The following RACGAP1 variants were observed in gnomAD, a reference collection of about 807,000 sequenced individuals.
RACGAP1 encodes Rac GTPase activating protein 1.
RACGAP1 carries 30 observed loss-of-function variants against 78.1 expected under a neutral mutation model. The ratio of observed to expected loss-of-function variants is 0.38; its 90% CI spans 0.29 to 0.52. The LOEUF is 0.52. Among genes scored for constraint, RACGAP1 ranks in the 20% least tolerant of loss-of-function variants. The pLI is 0.82. For synonymous variants in RACGAP1, 231 were observed against 264.8 expected (o/e 0.87, Z 1.24); for missense variants, 587 against 777.1 (o/e 0.76, Z 2.91).
At chr12:50,009,791 G>A (rs1230849766) in intron 2 of RACGAP1, among the ~76,000 whole-genome samples, 1 of 152,170 alleles carries the variant, frequency 6.6e-6, no homozygotes, top group South Asian at 2.1e-4. Flanking sequence ...AGGCATTCCT[G>A]CCTTCTCACT....
Position 49,992,337 on chromosome 12 carries a change from G to A in RACGAP1, c.1486C>T (p.Leu496=). ...ATTGTAGGGCCAAAGACTTTAGCCA[G>A]ATTGGCAACATCCATTTTAGTATGT... is the stretch of plus-strand genomic sequence containing the variant. ...SPHTKMDVAN[L]AKVFGPTIVA... Residue 496 remains leucine (L), a synonymous_variant, in exon 14 of 17, where the codon CTG becomes TTG. Transcript: ENST00000312377. The A allele has an allele frequency of 1.2e-6, 2 of 1,614,150 alleles. No individual in the cohort carries two copies. Among genetic ancestry groups the A allele is most frequent in the Non-Finnish European group, 1.7e-6 (2 of 1,179,974 alleles).
At chr12:50,018,410 C>G in intron 1 of RACGAP1, 1 of 673,846 alleles carries the variant, frequency 1.5e-6, no homozygotes, top group South Asian at 1.6e-5. Context: ...AGATCTTTCT[C>G]TAAACTAAGA....
intron 1 of RACGAP1, among the ~76,000 whole-genome samples, chr12:50,024,916 A>T (rs1242376177): frequency 6.6e-6 from 1 of 151,954 alleles, no homozygotes; most frequent in Non-Finnish European, 1.5e-5. Context: ...GTTGTTACTG[A>T]GGGTAAGAAT....
In RACGAP1 at chr12:49,994,454, A is replaced by C. The variant is rs1948116715; in HGVS notation, c.1100T>G (p.Val367Gly). The C allele has an allele frequency of 1.9e-6, 3 of 1,614,160 alleles. No individual in the cohort carries two copies. Among genetic ancestry groups the C allele is most frequent in the Non-Finnish European group, 2.5e-6 (3 of 1,180,014 alleles). The part of the protein sequence containing the change: ...QTSPMIPSIV[V>G]HCVNEIEQRG... Reference sequence around the variant, plus strand: ...TTGCTCAATCTCATTTACACAATGCACAACAATGGAGGGGATCATTGGAGA... The same window carrying C: ...TTGCTCAATCTCATTTACACAATGCCCAACAATGGAGGGGATCATTGGAGA... Residue 367 changes from valine (V) to glycine (G), a missense_variant, in exon 11 of 17, where the codon GTG becomes GGG. Val to Gly is a moderately radical substitution (Grantham distance 109). Coordinates refer to ENST00000312377, the MANE Select transcript of RACGAP1 (RefSeq NM_001319999.2).
At chr12:50,031,896 T>C (rs973329163) in intron 1 of RACGAP1, 2 of 283,228 alleles carry the variant, frequency 7.1e-6, no homozygotes, top group African/African-American at 4.6e-5. Context: ...ATAATAATAA[T>C]ACTGCACTTT....
At chr12:49,993,486 C>A (rs561691184) in intron 12 of RACGAP1, among the ~76,000 whole-genome samples, 3 of 152,142 alleles carry the variant, frequency 2.0e-5, no homozygotes, top group African/African-American at 7.2e-5. Context: ...TAGGCAGGAG[C>A]TAATAAAAAG....
intron 4 of RACGAP1, among the ~76,000 whole-genome samples, chr12:50,004,562 T>C (rs1410220507): frequency 6.6e-6 from 1 of 152,184 alleles, no homozygotes; most frequent in African/African-American, 2.4e-5. Context: ...TGAAAGTTAG[T>C]CAGGGTTATG....
Position 50,023,170 on chromosome 12 carries a change from A to G in RACGAP1, c.-5+2228T>C, listed in dbSNP as rs187238682. Among the ~76,000 whole-genome samples the G allele has an allele frequency of 2.4e-3, 366 of 152,268 alleles. 4 individuals carry two copies. Among genetic ancestry groups the G allele is most frequent in the African/African-American group, 8.4e-3 (347 of 41,548 alleles). ...TGAATTGAGCATTCCTATGGACAAT[A>G]TTTTTCTTCAGGTGACTGTTTTCCT... On this transcript the variant is annotated intron_variant, in intron 1 of 16. Transcript: ENST00000312377.
At chr12:50,016,147 C>T (rs1224648050) in intron 2 of RACGAP1, among the ~76,000 whole-genome samples, 2 of 152,064 alleles carry the variant, frequency 1.3e-5, no homozygotes, top group Non-Finnish European at 2.9e-5. Context: ...TTTGGGAGGC[C>T]GAGGCGGGCG....
chr12:50,001,246 T>A lies in RACGAP1; in HGVS notation c.556A>T (p.Thr186Ser), dbSNP rs368821620. Residue 186 changes from threonine to serine, a missense_variant, in exon 7 of 17, where the codon ACT (threonine) becomes TCT (serine). Physicochemically the swap from Thr to Ser is moderately conservative, Grantham distance 58. Coordinates refer to ENST00000312377, the MANE Select transcript of RACGAP1 (RefSeq NM_001319999.2). ...KLKKREKRRSTSRQFVDGPPG... is the reference protein window; with the variant it reads ...KLKKREKRRSSSRQFVDGPPG... ...GGACCATCAACAAACTGTCGGCTAG[T>A]AGAGCGCTAGAAAGGAGACAAAGAC... The A allele has an allele frequency of 1.2e-6, 2 of 1,607,684 alleles. No individual in the cohort carries two copies. The highest frequency in any genetic ancestry group is 1.7e-6 in the Non-Finnish European group (2 of 1,174,334).
At chr12:50,011,609 G>T (rs1949336426) in intron 2 of RACGAP1, among the ~76,000 whole-genome samples, 1 of 151,864 alleles carries the variant, frequency 6.6e-6, no homozygotes, top group Non-Finnish European at 1.5e-5. Flanking sequence ...TAGTTTGGGA[G>T]ACAAAATAAA....
At chr12:50,021,072 G>A (rs1291699278) in intron 1 of RACGAP1, 6 of 974,716 alleles carry the variant, frequency 6.2e-6, no homozygotes, top group South Asian at 4.8e-5. Flanking sequence ...CCTATTCAAC[G>A]TCAATTGAAA....
chr12:50,030,879 A>G (rs2137778697), intron 2 of RACGAP1, among the ~76,000 whole-genome samples: 1 of 151,290 alleles, frequency 6.6e-6, no homozygotes, highest in Admixed American at 6.6e-5. Context: ...TCCCAGTTTC[A>G]AGAGATTCTC....
chr12:50,029,607 T>G (rs1300033574), upstream of RACGAP1, among the ~76,000 whole-genome samples: 1 of 150,672 alleles, frequency 6.6e-6, no homozygotes, highest in African/African-American at 2.4e-5. Flanking sequence ...AAAAAAAAAT[T>G]TGAGGGCTGG....
rs553805200 is a variant in RACGAP1, at chr12:50,006,605, A to G, written c.117T>C (p.Asp39=). 27 of 1,614,144 alleles carry G rather than the reference A, an allele frequency of 1.7e-5. No homozygotes were observed. The East Asian group carries it at 5.8e-4, about 35-fold the overall frequency. Residue 39 remains aspartate (D), a synonymous_variant, in exon 3 of 17, where the codon GAT becomes GAC. Transcript: ENST00000312377. ...CAGTCCTCTGCCACTTTTTACGGAAATCCTCAAAGTCCTTCGCCAACTGGA... is the reference window on the plus strand; with the variant it reads ...CAGTCCTCTGCCACTTTTTACGGAAGTCCTCAAAGTCCTTCGCCAACTGGA... ...QFIQLAKDFE[D]FRKKWQRTDH... is the part of the protein sequence containing the mutation.
chr12:50,018,429 A>G, intron 1 of RACGAP1: 1 of 818,420 alleles, frequency 1.2e-6, no homozygotes, highest in Non-Finnish European at 1.7e-6. Flanking sequence ...GAACAAAACT[A>G]AAAGGATAGC....
At chr12:49,996,654 AAAAAAAAAAAAAAAT>A (rs1276914422) in intron 10 of RACGAP1, among the ~76,000 whole-genome samples, 7 of 143,698 alleles carry the variant, frequency 4.9e-5, no homozygotes, top group African/African-American at 1.8e-4. Context: ...AAAAAAAAAA[AAAAAAAAAAAAAAAT>A]GGACACAAGT....
chr12:49,999,455 AG>A lies in RACGAP1; in HGVS notation c.748+160del, dbSNP rs1948512773. The A allele has an allele frequency of 3.0e-5, 30 of 990,178 alleles. 1 individual carries two copies. In the South Asian group the frequency reaches 5.0e-4, roughly 16 times the overall value. 61.3% of individuals were successfully genotyped at this position (990,178 alleles called of 1,614,324 possible). On this transcript the variant is annotated intron_variant, in intron 8 of 16. Coordinates refer to ENST00000312377, the MANE Select transcript of RACGAP1 (RefSeq NM_001319999.2). ...TTATGCCAGTGGGCTAGCAATTCAA[AG>A]GTAAAGCATGACACAAGCAGTTCTC...
intron 6 of RACGAP1, 90 bp downstream of exon 6, chr12:50,002,157 C>T: frequency 1.1e-6 from 1 of 930,194 alleles, no homozygotes; most frequent in South Asian, 1.4e-5. Context: ...GCTAGAGCAA[C>T]ATGACAGGAA....
Sources: gnomAD v4.1 joint callset for allele counts (sites outside exome capture counted in the v4.1 genomes callset) on GRCh38, gnomAD v4.1.1 for gene constraint, MANE v1.5 for transcripts, NCBI Gene and HGNC (gene_info 2026-07-23, HGNC 2026-07-21) for gene names.